Variants in ARSG observed in about 807,000 individuals in gnomAD.
ARSG encodes ASG.
ARSG carries 37 observed loss-of-function variants against 50.5 expected under a neutral mutation model. The ratio of observed to expected loss-of-function variants is 0.73; its 90% CI spans 0.56 to 0.96. The LOEUF (loss-of-function observed/expected upper bound fraction) is 0.96, where lower values mean the gene tolerates loss of function less well. ARSG is among the 50% of genes least tolerant of loss of function. ARSG has a pLI of 0.00. For missense variants in ARSG, 629 were observed against 675.3 expected (o/e 0.93, Z 0.76); for synonymous variants, 225 against 254.6 (o/e 0.88, Z 1.11).
Position 68,271,550 on chromosome 17 carries a change from A to T in ARSG, c.-552+12124A>T, listed in dbSNP as rs7222013. 0.25 allele frequency: 410,981 copies of T among 1,613,986 alleles called. 60,072 individuals carry two copies. Among genetic ancestry groups the T allele is most frequent in the African/African-American group, 0.64 (48,252 of 74,946 alleles). ...TTCGGTGACGCTGGTCCTCTGATAA[A>T]GATGGGTCTGAGCAGTGCTCCGAAG... On this transcript the variant is annotated intron_variant, in intron 1 of 11. Transcript: ENST00000448504. This position sits in a 1 kb window ranked among gnomAD's most constrained non-coding sequence, Gnocchi z 5.3.
chr17:68,439,677 G>A, the ARSG span, among the ~76,000 whole-genome samples: 1,053 of 152,288 alleles, frequency 6.9e-3, 30 homozygotes, highest in East Asian at 0.067. Flanking sequence ...CATGTTTCAG[G>A]AATATTTATC....
intron 6 of ARSG, chr17:68,359,788 G>A (rs62085865): frequency 0.23 from 34,490 of 152,170 alleles, 4,799 homozygotes; most frequent in Middle Eastern, 0.31. Context: ...AATCTCAAAA[G>A]CAGCTCCTAA....
the ARSG span, among the ~76,000 whole-genome samples, chr17:68,444,062 C>T: frequency 1.3e-5 from 2 of 152,166 alleles, no homozygotes; most frequent in Non-Finnish European, 2.9e-5. Context: ...AAAACATATT[C>T]TTTATGGTTC....
intron 8 of ARSG, among the ~76,000 whole-genome samples, chr17:68,377,317 C>T (rs998234801): frequency 2.0e-5 from 3 of 152,256 alleles, no homozygotes; most frequent in African/African-American, 2.4e-5. Flanking sequence ...ACTGCTCTCA[C>T]GCACACCTTG....
chr17:68,314,942 T>C (rs868926313), intron 2 of ARSG, among the ~76,000 whole-genome samples: 4 of 152,318 alleles, frequency 2.6e-5, no homozygotes, highest in Middle Eastern at 3.4e-3. Context: ...TGGCTGTGCA[T>C]TGGGGCCAAC....
Position 68,292,281 on chromosome 17 carries a change from A to G in ARSG, c.-552+713A>G, listed in dbSNP as rs192564058. Among the ~76,000 whole-genome samples the G allele has an allele frequency of 2.4e-3, 367 of 152,210 alleles. 1 individual carries two copies. Among genetic ancestry groups the G allele is most frequent in the Non-Finnish European group, 4.4e-3 (299 of 67,988 alleles). On this transcript the variant is annotated intron_variant, in intron 1 of 11. Coordinates refer to ENST00000621439, the MANE Select transcript of ARSG (RefSeq NM_001267727.2). ...GCGTCGGCACAGGTGCATGGCTCCC[A>G]TACCCGCGGGGAGCCCTCTGTAAGG... is the stretch of plus-strand genomic sequence containing the variant.
At chr17:68,414,829 A>G (rs1330124864) in intron 11 of ARSG, among the ~76,000 whole-genome samples, 2 of 152,158 alleles carry the variant, frequency 1.3e-5, no homozygotes, top group East Asian at 3.8e-4. Flanking sequence ...AAAGGTGTTC[A>G]TAGTAGCCTT....
the ARSG span, chr17:68,440,822 T>TAA: frequency 6.6e-6 from 1 of 152,220 alleles, no homozygotes. Flanking sequence ...TGTCAAACTT[T>TAA]AGGTAAGTTA....
intron 1 of ARSG, among the ~76,000 whole-genome samples, chr17:68,283,706 C>T (rs969427638): frequency 6.7e-6 from 1 of 150,370 alleles, no homozygotes; most frequent in African/African-American, 2.4e-5. Context: ...GAAACCCTGT[C>T]TCTACTAAAA....
At chr17:68,431,534 G>T in the ARSG span, among the ~76,000 whole-genome samples, 4 of 152,180 alleles carry the variant, frequency 2.6e-5, no homozygotes, top group East Asian at 1.9e-4. Context: ...GGGAATAAAG[G>T]TGTCTGAGGA....
intron 8 of ARSG, among the ~76,000 whole-genome samples, chr17:68,371,837 C>T (rs1396892726): frequency 2.0e-5 from 3 of 152,012 alleles, no homozygotes; most frequent in Non-Finnish European, 4.4e-5. Context: ...GACTTGGAAA[C>T]ATTTACATGA....
At chr17:68,387,108 CACACACACACAT>C (rs1277311902) in intron 9 of ARSG, among the ~76,000 whole-genome samples, 2 of 148,298 alleles carry the variant, frequency 1.3e-5, no homozygotes, top group African/African-American at 5.3e-5. Flanking sequence ...CACACACACA[CACACACACACAT>C]ACCTTTTATT....
intron 1 of ARSG, chr17:68,269,250 G>A (rs1555747636): frequency 2.7e-6 from 4 of 1,500,818 alleles, no homozygotes; most frequent in South Asian, 1.2e-5. Flanking sequence ...CATCTTACAC[G>A]GTCTCACCAG....
At chr17:68,416,084 T>A (rs1277404998) in intron 11 of ARSG, among the ~76,000 whole-genome samples, 2 of 152,296 alleles carry the variant, frequency 1.3e-5, no homozygotes, top group African/African-American at 2.4e-5. Context: ...GCCTTGGTTT[T>A]TTTGTTTTTG....
chr17:68,263,389 T>G (rs2075104261), intron 1 of ARSG, among the ~76,000 whole-genome samples: 1 of 152,272 alleles, frequency 6.6e-6, no homozygotes, highest in Non-Finnish European at 1.5e-5. Flanking sequence ...ATCAATGCAA[T>G]GTATACTTAT....
chr17:68,424,274 GT>G (rs1190915889), downstream of ARSG, among the ~76,000 whole-genome samples: 2 of 152,178 alleles, frequency 1.3e-5, no homozygotes, highest in Non-Finnish European at 2.9e-5. Context: ...AGCCAGAAAT[GT>G]AAAAGCTCAC....
chr17:68,377,575 C>T (rs1379257266), intron 8 of ARSG, among the ~76,000 whole-genome samples: 1 of 152,116 alleles, frequency 6.6e-6, no homozygotes, highest in Non-Finnish European at 1.5e-5. Flanking sequence ...GGGTACTGCC[C>T]AGGAGGCTCC....
At chr17:68,356,524 T>A (rs2079039325) in intron 5 of ARSG, 143 bp from the exon 6 acceptor site, 1 of 889,350 alleles carries the variant, frequency 1.1e-6, no homozygotes, top group South Asian at 1.7e-5. Flanking sequence ...ACTTTTACAC[T>A]TGGAGGAAAT....
chr17:68,443,361 C>T, the ARSG span, among the ~76,000 whole-genome samples: 1 of 152,200 alleles, frequency 6.6e-6, no homozygotes, highest in African/African-American at 2.4e-5. Context: ...GATCCACCCG[C>T]CTCGGCCTCC....
Sources: allele counts gnomAD v4.1 joint callset (sites outside exome capture counted in the v4.1 genomes callset), GRCh38; gene constraint gnomAD v4.1.1; non-coding constraint Gnocchi (gnomAD v3.1); transcripts MANE v1.5; gene names NCBI Gene and HGNC (gene_info 2026-07-23, HGNC 2026-07-21).